The following ASB4 variants were observed in gnomAD, a reference collection of about 807,000 sequenced individuals.
The protein encoded by ASB4 is ankyrin repeat and SOCS box containing 4.
A neutral mutation model predicts 38.6 loss-of-function variants in ASB4; 35 were observed. That is an observed-to-expected ratio of 0.91 (90% CI 0.69 to 1.20). The LOEUF (loss-of-function observed/expected upper bound fraction) is 1.20, where lower values mean the gene tolerates loss of function less well. ASB4 is among the 50% of genes most tolerant of loss of function. The pLI, the probability that ASB4 is intolerant of heterozygous loss-of-function variation, is 0.00. For synonymous variants in ASB4, 195 were observed against 201.3 expected, an observed-to-expected ratio of 0.97 and a Z score of 0.26; for missense variants, 557 against 527.2, an observed-to-expected ratio of 1.06 and a Z score of -0.55.
chr7:95,475,963 T>C (rs563547244), upstream of ASB4, among the ~76,000 whole-genome samples: 1 of 152,342 alleles, frequency 6.6e-6, no homozygotes, highest in East Asian at 1.9e-4. Flanking sequence ...TCGGTCTCTA[T>C]ATATCAAGAT....
At chr7:95,517,165 A>AT (rs993406032) in intron 2 of ASB4, among the ~76,000 whole-genome samples, 12 of 151,860 alleles carry the variant, frequency 7.9e-5, no homozygotes, top group Middle Eastern at 3.4e-3. Flanking sequence ...TAATAGTTCT[A>AT]TTTTTTTTGT....
chr7:95,477,231 T>C (rs1789985501), upstream of ASB4, among the ~76,000 whole-genome samples: 2 of 152,158 alleles, frequency 1.3e-5, no homozygotes, highest in South Asian at 4.2e-4. Context: ...GGTTTTAATT[T>C]TGATTCTCTC....
intron 1 of ASB4, among the ~76,000 whole-genome samples, chr7:95,479,327 T>C (rs999236937): frequency 2.0e-5 from 3 of 152,224 alleles, no homozygotes. Context: ...AGTAATAATA[T>C]GTAACTCTCC....
Position 95,485,979 on chromosome 7 carries a change from G to A in ASB4, c.8G>A (p.Gly3Asp). The A allele has an allele frequency of 6.2e-7, 1 of 1,613,378 alleles. No individual in the cohort carries two copies. Among genetic ancestry groups the A allele is most frequent in the Non-Finnish European group, 8.5e-7 (1 of 1,179,582 alleles). MD[G>D]TTAPVTKSGA... is the part of the protein sequence containing the mutation. ...TCCAGAGGGAGAGGAAGGATGGACG[G>A]CACCACTGCCCCTGTCACTAAATCT... The change falls in exon 1 of 5, where the codon GGC (glycine) becomes GAC (aspartate). Residue 3 changes from glycine to aspartate, a missense_variant. Physicochemically the swap from Gly to Asp is moderately conservative, Grantham distance 94. Coordinates refer to ENST00000325885, the MANE Select transcript of ASB4 (RefSeq NM_016116.3).
chr7:95,497,451 T>G (rs1790267283), intron 2 of ASB4, among the ~76,000 whole-genome samples: 1 of 152,128 alleles, frequency 6.6e-6, no homozygotes, highest in Admixed American at 6.5e-5. Context: ...ATTGCCTGGT[T>G]TCAGGTTTTA....
downstream of ASB4, among the ~76,000 whole-genome samples, chr7:95,545,000 G>T (rs1465316342): frequency 6.6e-6 from 1 of 151,098 alleles, no homozygotes; most frequent in East Asian, 1.9e-4. Context: ...ATATGACAGG[G>T]TTTCTAAGAC....
At chr7:95,487,338 G>GC (rs1790106833) in intron 1 of ASB4, among the ~76,000 whole-genome samples, 1 of 152,146 alleles carries the variant, frequency 6.6e-6, no homozygotes, top group African/African-American at 2.4e-5. Flanking sequence ...TAGAAAATTT[G>GC]TATACTATAT....
chr7:95,492,968 A>G (rs181034272), intron 1 of ASB4, among the ~76,000 whole-genome samples: 2 of 152,342 alleles, frequency 1.3e-5, no homozygotes, highest in Non-Finnish European at 1.5e-5. Context: ...ATAGAAATGT[A>G]TAAATGAATC....
rs35506436 is a variant in ASB4, at chr7:95,495,738, CTTT to C, written c.188-6_188-4del. The C allele has an allele frequency of 0.05, 67,526 of 1,362,490 alleles. 1 individual carries two copies. The highest frequency in any genetic ancestry group is 0.14 in the East Asian group (4,792 of 33,208). The allele number at this position is 1,362,490 out of a possible 1,614,324, so 84.4% of individuals were successfully genotyped here. On this transcript the variant is annotated splice_polypyrimidine_tract_variant and intron_variant, in intron 1 of 4. Transcript: ENST00000325885. ...GTCAAGAAGTTAAACTTTCCTTTTC[CTTT>C]TTTTTTTTTTTTTCAGGTTACTGGT...
At chr7:95,499,048 C>G (rs1290213978) in intron 2 of ASB4, among the ~76,000 whole-genome samples, 2 of 152,116 alleles carry the variant, frequency 1.3e-5, no homozygotes, top group Non-Finnish European at 2.9e-5. Flanking sequence ...TTGATTGCCA[C>G]AGGTTTGTAT....
At chr7:95,507,902 G>T (rs1244534115) in intron 2 of ASB4, among the ~76,000 whole-genome samples, 1 of 152,140 alleles carries the variant, frequency 6.6e-6, no homozygotes, top group Non-Finnish European at 1.5e-5. Context: ...GGATGGAACT[G>T]AAGATTATAC....
the ASB4 span, among the ~76,000 whole-genome samples, chr7:95,548,723 T>C: frequency 2.0e-5 from 3 of 152,152 alleles, no homozygotes; most frequent in Admixed American, 6.5e-5. Flanking sequence ...ATGTTTTGAG[T>C]TTTTTGTTAC....
chr7:95,530,105 C>CAAAAAAAAAAAAAAA (rs60923712), intron 3 of ASB4, among the ~76,000 whole-genome samples: 2 of 99,696 alleles, frequency 2.0e-5, no homozygotes, highest in Non-Finnish European at 3.9e-5. Flanking sequence ...AAAAGCAGGG[C>CAAAAAAAAAAAAAAA]AAAAAAAAAA....
chr7:95,511,450 C>T (rs577498960), intron 2 of ASB4, among the ~76,000 whole-genome samples: 77 of 152,170 alleles, frequency 5.1e-4, no homozygotes, highest in African/African-American at 1.6e-3. Flanking sequence ...GTGCACTTCT[C>T]GCAAGCATAG....
chr7:95,520,387 T>C (rs563111966), intron 2 of ASB4, among the ~76,000 whole-genome samples: 3 of 152,194 alleles, frequency 2.0e-5, no homozygotes, highest in East Asian at 1.9e-4. Flanking sequence ...TTGGAAAGTA[T>C]ACAAACAAGC....
intron 2 of ASB4, among the ~76,000 whole-genome samples, chr7:95,502,778 A>G (rs1480926011): frequency 6.6e-6 from 1 of 152,220 alleles, no homozygotes; most frequent in African/African-American, 2.4e-5. Flanking sequence ...TAAGAAAAAC[A>G]TTTAAAATGT....
chr7:95,517,314 G>A (rs538640680), intron 2 of ASB4, among the ~76,000 whole-genome samples: 6 of 152,212 alleles, frequency 3.9e-5, no homozygotes, highest in Non-Finnish European at 8.8e-5. Context: ...GACTACAGAC[G>A]TTAGCCACCA....
At chr7:95,504,455 T>C (rs1790381497) in intron 2 of ASB4, among the ~76,000 whole-genome samples, 1 of 152,202 alleles carries the variant, frequency 6.6e-6, no homozygotes, top group African/African-American at 2.4e-5. Context: ...GGACAGACGC[T>C]GCTCTTACCA....
rs1175140786 is a variant in ASB4 at position 95,515,163 on chromosome 7, CTTTCTCTTTCTT to C, written c.488-12648_488-12637del. On this transcript the variant is annotated intron_variant, in intron 2 of 4. Transcript: ENST00000325885. ...CAATTGTTTTTCTTTCTTTCTTTCT[CTTTCTCTTTCTT>C]TCTTTCTTTCTTTCTTTCTTTCTTT... 6.9e-4 allele frequency among the ~76,000 whole-genome samples: 90 copies of C among 129,788 alleles called. 3 individuals carry two copies. The highest frequency in any genetic ancestry group is 1.7e-3 in the African/African-American group (56 of 32,944). 85.1% of individuals were successfully genotyped at this position (129,788 alleles called of 152,430 possible).
Sources: allele counts gnomAD v4.1 joint callset (sites outside exome capture counted in the v4.1 genomes callset), GRCh38; gene constraint gnomAD v4.1.1; transcripts MANE v1.5; gene names NCBI Gene and HGNC (gene_info 2026-07-23, HGNC 2026-07-21).